OSBPL9: variants seen among roughly 807,000 people sequenced by gnomAD.
OSBPL9 encodes oxysterol-binding protein-related protein 9.
Under a neutral mutation model 106.6 loss-of-function variants are expected in OSBPL9, and 40 were observed. That is an observed-to-expected ratio of 0.38 (90% CI 0.29 to 0.49). OSBPL9 has a LOEUF of 0.49. OSBPL9 is among the 20% of genes least tolerant of loss of function. OSBPL9 has a pLI of 0.97. For synonymous variants in OSBPL9, 269 were observed against 295.4 expected (o/e 0.91, Z 0.92); for missense variants, 609 against 887.2 (o/e 0.69, Z 3.98).
At chr1:51,771,498 C>T (rs1673889027) in intron 12 of OSBPL9, among the ~76,000 whole-genome samples, 1 of 151,722 alleles carries the variant, frequency 6.6e-6, no homozygotes, top group African/African-American at 2.4e-5. Flanking sequence ...CGTGTGCGCG[C>T]ACACACACAC....
chr1:51,603,625 CT>C (rs1210430635), intron 2 of OSBPL9, among the ~76,000 whole-genome samples: 16 of 152,146 alleles, frequency 1.1e-4, no homozygotes, highest in African/African-American at 3.6e-4. Flanking sequence ...GAGTCCTCTT[CT>C]TTTTTTATTG....
the OSBPL9 span, among the ~76,000 whole-genome samples, chr1:51,557,918 T>C: frequency 1.3e-5 from 2 of 152,198 alleles, no homozygotes; most frequent in African/African-American, 4.8e-5. Flanking sequence ...ACCAACTCTA[T>C]CTTGCTTCTA....
In OSBPL9 at chr1:51,784,544, C is replaced by T. The variant is rs144748323; in HGVS notation, c.1791C>T (p.Phe597=). ...ATATCATCTTCCACACTAAACCCTT[C>T]TATGGGGGCAAGAAGCACAGAATTA... is the stretch of plus-strand genomic sequence containing the variant. The part of the protein sequence containing the change: ...SANIIFHTKP[F]YGGKKHRITA... The change falls in exon 20 of 24, where the codon TTC becomes TTT. Residue 597 remains phenylalanine, a synonymous_variant. Transcript: ENST00000428468. 8.7e-5 allele frequency: 140 copies of T among 1,613,978 alleles called. No individual in the cohort carries two copies. Among genetic ancestry groups the T allele is most frequent in the Non-Finnish European group, 1.1e-4 (133 of 1,179,948 alleles).
the OSBPL9 span, among the ~76,000 whole-genome samples, chr1:51,541,620 AG>A: frequency 6.6e-6 from 1 of 152,226 alleles, no homozygotes; most frequent in Non-Finnish European, 1.5e-5. Flanking sequence ...TTAGTCCAGA[AG>A]CTGTGTTAGA....
the OSBPL9 span, among the ~76,000 whole-genome samples, chr1:51,556,920 A>G: frequency 1.3e-5 from 2 of 150,848 alleles, no homozygotes; most frequent in African/African-American, 2.4e-5. Flanking sequence ...GCTATAGACA[A>G]CAGTAATTTA....
intron 4 of OSBPL9, 105 bp downstream of exon 4, chr1:51,714,184 G>T: frequency 1.3e-6 from 1 of 758,066 alleles, no homozygotes; most frequent in Non-Finnish European, 2.1e-6. Flanking sequence ...GATGTAATAG[G>T]AACTTATAAT....
chr1:51,711,741 C>T (rs1184168488), intron 3 of OSBPL9, among the ~76,000 whole-genome samples: 9 of 145,952 alleles, frequency 6.2e-5, no homozygotes, highest in Admixed American at 2.7e-4. Flanking sequence ...GACGGGGTCA[C>T]GGCCGGGCAG....
intron 4 of OSBPL9, among the ~76,000 whole-genome samples, chr1:51,728,236 T>C (rs550817935): frequency 1.2e-3 from 188 of 152,330 alleles, no homozygotes; most frequent in African/African-American, 4.4e-3. Context: ...AGTTCTTTAA[T>C]TGGGGGAGGC....
chr1:51,533,071 T>A, the OSBPL9 span, among the ~76,000 whole-genome samples: 2 of 152,242 alleles, frequency 1.3e-5, no homozygotes, highest in East Asian at 3.9e-4. Flanking sequence ...ATGGTAGATA[T>A]TTATTAATAA....
At chr1:51,713,343 T>A (rs1037285898) in intron 3 of OSBPL9, among the ~76,000 whole-genome samples, 1 of 151,896 alleles carries the variant, frequency 6.6e-6, no homozygotes, top group Non-Finnish European at 1.5e-5. Context: ...AGAGATGGGG[T>A]TTTACCATGT....
At chr1:51,757,948 T>C (rs898948217) in intron 9 of OSBPL9, among the ~76,000 whole-genome samples, 1 of 152,144 alleles carries the variant, frequency 6.6e-6, no homozygotes, top group Non-Finnish European at 1.5e-5. Context: ...TTGTATTACG[T>C]GGGTTTCATT....
At chr1:51,731,905 CAG>C (rs1298469301) in intron 4 of OSBPL9, among the ~76,000 whole-genome samples, 4 of 152,076 alleles carry the variant, frequency 2.6e-5, no homozygotes, top group Non-Finnish European at 4.4e-5. Context: ...TTGGCTTTGA[CAG>C]AGATGACGAT....
chr1:51,703,497 T>G (rs1209368320), intron 3 of OSBPL9, among the ~76,000 whole-genome samples: 2 of 152,180 alleles, frequency 1.3e-5, no homozygotes, highest in Non-Finnish European at 2.9e-5. Flanking sequence ...GATTTTGTAT[T>G]CTGAGACTTT....
intron 3 of OSBPL9, among the ~76,000 whole-genome samples, chr1:51,675,057 C>T (rs987401184): frequency 6.6e-6 from 1 of 152,174 alleles, no homozygotes; most frequent in African/African-American, 2.4e-5. Flanking sequence ...ATAGCCAAAC[C>T]CTATAGCCTA....
chr1:51,638,089 C>T (rs1261508136), intron 1 of OSBPL9, among the ~76,000 whole-genome samples: 3 of 152,112 alleles, frequency 2.0e-5, no homozygotes, highest in African/African-American at 7.2e-5. Flanking sequence ...TAAGGGAAGG[C>T]AGCCTTGTTC....
rs1204101823 is a variant in OSBPL9 at position 51,703,285 on chromosome 1, T to C, written c.242-10718T>C. Reference sequence around the variant, plus strand: ...CTTCCTACCCATGAGCATGGAATGTTCTTCCATTTCTTTGTATCCTCTTTT... The same window carrying C: ...CTTCCTACCCATGAGCATGGAATGTCCTTCCATTTCTTTGTATCCTCTTTT... On this transcript the variant is annotated intron_variant, in intron 3 of 23. Coordinates refer to ENST00000428468, the MANE Select transcript of OSBPL9 (RefSeq NM_024586.6). 2.0e-5 allele frequency among the ~76,000 whole-genome samples: 3 copies of C among 152,224 alleles called. No individual in the cohort carries two copies. The East Asian group carries it at 5.8e-4, about 29-fold the overall frequency.
At chr1:51,699,306 A>G (rs1353099304) in intron 3 of OSBPL9, among the ~76,000 whole-genome samples, 1 of 151,626 alleles carries the variant, frequency 6.6e-6, no homozygotes, top group Non-Finnish European at 1.5e-5. Context: ...TTTTACCTGG[A>G]ATGTCTTCCC....
At chr1:51,572,107 T>C in the OSBPL9 span, among the ~76,000 whole-genome samples, 2 of 152,206 alleles carry the variant, frequency 1.3e-5, no homozygotes, top group African/African-American at 4.8e-5. Flanking sequence ...GGAACAGTTT[T>C]CCAGAGTGGA....
upstream of OSBPL9, chr1:51,617,036 G>GGCCC: frequency 4.3e-6 from 6 of 1,388,284 alleles, no homozygotes; most frequent in Non-Finnish European, 5.9e-6. Context: ...GCCCCCTGCG[G>GGCCC]CCCCGCCCCC....
Sources: allele counts gnomAD v4.1 joint callset (sites outside exome capture counted in the v4.1 genomes callset), GRCh38; gene constraint gnomAD v4.1.1; transcripts MANE v1.5; gene names NCBI Gene and HGNC (gene_info 2026-07-23, HGNC 2026-07-21).